The following PLS1 variants were observed in gnomAD, a reference collection of about 807,000 sequenced individuals.
PLS1 encodes the protein plastin 1, also known as plastin-1.
In PLS1, 32 loss-of-function variants were observed where a neutral mutation model predicts 73.7. The ratio of observed to expected loss-of-function variants is 0.43; its 90% CI spans 0.33 to 0.58. PLS1 has a LOEUF of 0.58. Ranked by LOEUF, PLS1 falls within the 20% of genes least tolerant of loss-of-function variation. The pLI is 0.04. For missense variants in PLS1, 633 were observed against 740.5 expected (o/e 0.85, Z 1.68); for synonymous variants, 217 against 261.3 (o/e 0.83, Z 1.63).
At chr3:142,700,874 A>G (rs991295183) in intron 12 of PLS1, among the ~76,000 whole-genome samples, 1 of 152,168 alleles carries the variant, frequency 6.6e-6, no homozygotes, top group Non-Finnish European at 1.5e-5. Flanking sequence ...TTCTCATTGT[A>G]GTGAATAAGA....
rs565572998 is a variant in PLS1 at position 142,689,346 on chromosome 3, C to T, written c.982-272C>T. Among the ~76,000 whole-genome samples the T allele has an allele frequency of 2.2e-3, 332 of 152,080 alleles. 1 individual carries two copies. Among genetic ancestry groups the T allele is most frequent in the Non-Finnish European group, 3.8e-3 (257 of 67,990 alleles). ...GCTGAGGGAGGAGAATCACTTGAAC[C>T]TAAGAGGCAGAGGTTGCAGTGAGCC... On this transcript the variant is annotated intron_variant, in intron 9 of 15. Transcript: ENST00000457734.
intron 1 of PLS1, among the ~76,000 whole-genome samples, chr3:142,645,782 G>A (rs984623209): frequency 1.3e-5 from 2 of 152,082 alleles, no homozygotes; most frequent in African/African-American, 4.8e-5. Flanking sequence ...TACTTTTTCA[G>A]AGGAAAAAAA....
chr3:142,606,046 C>T (rs2036011721), intron 1 of PLS1, among the ~76,000 whole-genome samples: 1 of 152,122 alleles, frequency 6.6e-6, no homozygotes. Flanking sequence ...TGGGAGAACC[C>T]AAAACATTGT....
In PLS1 at chr3:142,599,621, G is replaced by A. The variant is rs1051690818; in HGVS notation, c.-37+3112G>A. On this transcript the variant is annotated intron_variant, in intron 1 of 15. Transcript: ENST00000457734. The stretch of plus-strand genomic sequence containing the variant: ...TGGGATTACAGGCGTGAGCCACCGC[G>A]CCCGGCCAGATATTCTTAACTAAGC... Among the ~76,000 whole-genome samples the A allele has an allele frequency of 6.1e-4, 93 of 152,138 alleles. 1 individual carries two copies. The highest frequency in any genetic ancestry group is 1.3e-4 in the Admixed American group (2 of 15,280).
At chr3:142,600,373 A>G (rs953183577) in intron 1 of PLS1, among the ~76,000 whole-genome samples, 2 of 152,104 alleles carry the variant, frequency 1.3e-5, no homozygotes, top group Non-Finnish European at 2.9e-5. Flanking sequence ...GATATATTGT[A>G]CACTACCAGG....
At chr3:142,653,237 T>G (rs2037140548) in intron 1 of PLS1, among the ~76,000 whole-genome samples, 1 of 152,238 alleles carries the variant, frequency 6.6e-6, no homozygotes, top group Non-Finnish European at 1.5e-5. Flanking sequence ...TCTCTTATTC[T>G]TGTTTTCTTT....
At chr3:142,627,507 C>T (rs1029793303) in intron 1 of PLS1, among the ~76,000 whole-genome samples, 1 of 152,162 alleles carries the variant, frequency 6.6e-6, no homozygotes, top group South Asian at 2.1e-4. Context: ...TTTTGTCAGA[C>T]CCATGTTTGA....
chr3:142,600,955 GCT>G (rs1273967689), intron 1 of PLS1, among the ~76,000 whole-genome samples: 1 of 105,666 alleles, frequency 9.5e-6, no homozygotes, highest in East Asian at 2.8e-4. Context: ...ACGGAGTCTC[GCT>G]CTGTGGCCCA....
intron 2 of PLS1, among the ~76,000 whole-genome samples, chr3:142,669,110 G>A (rs1370441001): frequency 1.3e-5 from 2 of 152,024 alleles, no homozygotes; most frequent in African/African-American, 4.8e-5. Context: ...GCAGTGGTGC[G>A]ATCATAGCTC....
chr3:142,683,937 T>C (rs1335169070), intron 6 of PLS1, 69 bp from the exon 7 acceptor site: 2 of 1,141,884 alleles, frequency 1.8e-6, no homozygotes, highest in African/African-American at 1.6e-5. Flanking sequence ...TTGTTTCTTA[T>C]AGATAATTTT....
At chr3:142,606,055 G>A (rs1484807696) in intron 1 of PLS1, among the ~76,000 whole-genome samples, 1 of 152,170 alleles carries the variant, frequency 6.6e-6, no homozygotes, top group African/African-American at 2.4e-5. Context: ...CCAAAACATT[G>A]TAATTTTCTA....
chr3:142,686,178 A>G (rs2037960509), intron 8 of PLS1, 106 bp from the exon 9 acceptor site: 1 of 699,310 alleles, frequency 1.4e-6, no homozygotes, highest in Middle Eastern at 2.5e-4. Flanking sequence ...AAGTTATTCC[A>G]TTCTTTGAGA....
chr3:142,598,067 A>G (rs2035843704), intron 1 of PLS1, among the ~76,000 whole-genome samples: 1 of 152,098 alleles, frequency 6.6e-6, no homozygotes, highest in Non-Finnish European at 1.5e-5. Flanking sequence ...GGTGTAGCTC[A>G]GGTGTGACCT....
intron 6 of PLS1, among the ~76,000 whole-genome samples, chr3:142,680,009 C>T (rs551049674): frequency 6.6e-6 from 1 of 152,112 alleles, no homozygotes; most frequent in Non-Finnish European, 1.5e-5. Context: ...AAGTTGGATT[C>T]CTAGGTATTT....
At position 142,712,278 on chromosome 3, in the gene PLS1, G is replaced by A. The variant is rs558282952; in HGVS notation, c.*271G>A. 1.3e-3 allele frequency: 363 copies of A among 270,788 alleles called. 2 individuals are homozygous for A. The highest frequency in any genetic ancestry group is 6.6e-3 in the Middle Eastern group (6 of 912). The allele number at this position is 270,788 out of a possible 1,614,324, so 16.8% of individuals were successfully genotyped here. On this transcript the variant is annotated 3_prime_UTR_variant, in exon 16 of 16. Transcript: ENST00000457734. Reference sequence around the variant, plus strand: ...AAATTATTTTTGTTGCTTAAAAGTCGTATTAGACAAGACTAAATCATTCTT... The same window carrying A: ...AAATTATTTTTGTTGCTTAAAAGTCATATTAGACAAGACTAAATCATTCTT...
At chr3:142,683,854 TG>T (rs2037905493) in intron 6 of PLS1, 151 bp from the exon 7 acceptor site, 2 of 588,836 alleles carry the variant, frequency 3.4e-6, no homozygotes, top group Non-Finnish European at 5.8e-6. Flanking sequence ...TAAAACCATG[TG>T]TTTTTTTTTT....
intron 1 of PLS1, among the ~76,000 whole-genome samples, chr3:142,607,757 C>T (rs1233306426): frequency 6.6e-6 from 1 of 152,106 alleles, no homozygotes; most frequent in South Asian, 2.1e-4. Context: ...ACTGTGTCTC[C>T]TTAGGCTCCC....
intron 1 of PLS1, among the ~76,000 whole-genome samples, chr3:142,621,145 A>AT (rs1252140004): frequency 6.6e-6 from 1 of 152,102 alleles, no homozygotes; most frequent in Admixed American, 6.6e-5. Flanking sequence ...TTTTTTCAGT[A>AT]TTTTTTTCCT....
chr3:142,698,436 GT>G (rs2038257437), intron 12 of PLS1: 1 of 128,598 alleles, frequency 7.8e-6, no homozygotes, highest in African/African-American at 3.8e-5. Flanking sequence ...TATGCAGGAT[GT>G]AAAAAAAAAA....
Sources: allele counts gnomAD v4.1 joint callset (sites outside exome capture counted in the v4.1 genomes callset), GRCh38; gene constraint gnomAD v4.1.1; transcripts MANE v1.5; gene names NCBI Gene and HGNC (gene_info 2026-07-23, HGNC 2026-07-21).